CRACD: variants seen among roughly 807,000 people sequenced by gnomAD.
CRACD encodes capping protein inhibiting regulator of actin dynamics.
Under a neutral mutation model 106.8 loss-of-function variants are expected in CRACD, and 56 were observed. That is an observed-to-expected ratio of 0.52 (90% CI 0.42 to 0.66). CRACD has a LOEUF of 0.66. Ranked by LOEUF, CRACD falls within the 30% of genes least tolerant of loss-of-function variation. The pLI is 0.00. For synonymous variants in CRACD, 754 were observed against 670.8 expected (o/e 1.12, Z -1.92); for missense variants, 1,730 against 1,623.2 (o/e 1.07, Z -1.13).
At position 56,330,235 on chromosome 4, in the gene CRACD, G is replaced by A. The variant is rs1027315186; in HGVS notation, c.*2431G>A. Among the ~76,000 whole-genome samples, 2 of 151,514 alleles carry A rather than the reference G, an allele frequency of 1.3e-5. No individual in the cohort carries two copies. Among genetic ancestry groups the A allele is most frequent in the Non-Finnish European group, 2.9e-5 (2 of 67,940 alleles). Reference sequence around the variant, plus strand: ...AACAAACATACACTTCTCCTGGCAAGGTTATAGATGATTAACCTCTGTTCA... The same window carrying A: ...AACAAACATACACTTCTCCTGGCAAAGTTATAGATGATTAACCTCTGTTCA... On this transcript the variant is annotated 3_prime_UTR_variant, in exon 11 of 11. Coordinates refer to ENST00000682029, the MANE Select transcript of CRACD (RefSeq NM_001393381.1).
chr4:56,080,123 G>A (rs920183975), intron 1 of CRACD, among the ~76,000 whole-genome samples: 8 of 152,152 alleles, frequency 5.3e-5, no homozygotes, highest in African/African-American at 1.9e-4. Context: ...TGGAAGGATC[G>A]CTTGAGGCCA....
At chr4:56,323,219 TGGA>T (rs931801492) in intron 8 of CRACD, among the ~76,000 whole-genome samples, 155 bp from the exon 9 acceptor site, 2 of 152,108 alleles carry the variant, frequency 1.3e-5, no homozygotes, top group Non-Finnish European at 2.9e-5. Flanking sequence ...TCCCACCCAG[TGGA>T]GCCACTCAGG....
chr4:56,197,129 AAT>A (rs1249179022), intron 2 of CRACD, among the ~76,000 whole-genome samples: 2 of 152,290 alleles, frequency 1.3e-5, no homozygotes, highest in Non-Finnish European at 2.9e-5. Context: ...TAAGTCCTAA[AAT>A]ATATGTTTTT....
At chr4:56,158,387 A>T (rs1422204557) in intron 1 of CRACD, among the ~76,000 whole-genome samples, 3 of 151,994 alleles carry the variant, frequency 2.0e-5, no homozygotes, top group Non-Finnish European at 2.9e-5. Flanking sequence ...AATTTATGGT[A>T]TTTTTTTTTA....
At chr4:56,107,053 C>T (rs1424471159) in intron 1 of CRACD, among the ~76,000 whole-genome samples, 2 of 152,174 alleles carry the variant, frequency 1.3e-5, no homozygotes, top group Non-Finnish European at 2.9e-5. Flanking sequence ...TCACTGCAGC[C>T]TCAAACTCCT....
At chr4:56,064,510 C>T in intron 1 of CRACD, among the ~76,000 whole-genome samples, 1 of 152,154 alleles carries the variant, frequency 6.6e-6, no homozygotes, top group Non-Finnish European at 1.5e-5. Context: ...AGTCTTCTTC[C>T]CTACTCCTGC....
chr4:56,213,091 G>T (rs185198518), intron 2 of CRACD, among the ~76,000 whole-genome samples: 1 of 152,254 alleles, frequency 6.6e-6, no homozygotes, highest in Admixed American at 6.5e-5. Context: ...GTCTCTGTAA[G>T]CTCCACTTTG....
At position 56,315,785 on chromosome 4, in the gene CRACD, T is replaced by A. The variant is rs1300586824; in HGVS notation, c.2283T>A (p.Pro761=). 6.2e-7 allele frequency: 1 copy of A among 1,614,028 alleles called. No homozygotes were observed. The highest frequency in any genetic ancestry group is 1.3e-5 in the African/African-American group (1 of 74,910). Residue 761 remains proline (P), a synonymous_variant, in exon 8 of 11, where the codon CCT becomes CCA. Coordinates refer to ENST00000682029, the MANE Select transcript of CRACD (RefSeq NM_001393381.1). This position sits in a 1 kb window ranked among gnomAD's most constrained non-coding sequence, Gnocchi z 4.1. ...CCAGCGAAGAGACAGCCCCCCAGCCTCCTCCTGCTGGTGTTCGCGAGCTCG... is the reference window on the plus strand; with the variant it reads ...CCAGCGAAGAGACAGCCCCCCAGCCACCTCCTGCTGGTGTTCGCGAGCTCG... ...LGPSEETAPQ[P]PPAGVRELGK... is the part of the protein sequence containing the mutation.
chr4:56,316,717 T>C lies in CRACD; in HGVS notation c.3187+28T>C, dbSNP rs774219162. ...AGGTAGCTGCAGGGTGGGTAACTGC[T>C]GCCAGCCGAGGTGTCAGAGCCAGGG... On this transcript the variant is annotated intron_variant, in intron 8 of 10. Coordinates refer to ENST00000682029, the MANE Select transcript of CRACD (RefSeq NM_001393381.1). The C allele has an allele frequency of 1.9e-6, 3 of 1,581,004 alleles. No individual in the cohort carries two copies. In the South Asian group the frequency reaches 3.4e-5, roughly 18 times the overall value.
intron 1 of CRACD, among the ~76,000 whole-genome samples, chr4:56,167,035 G>GA (rs758638536): frequency 1.1e-4 from 16 of 152,096 alleles, no homozygotes; most frequent in Admixed American, 3.9e-4. Context: ...ACACTGTCTT[G>GA]AAAAAACTAC....
intron 8 of CRACD, among the ~76,000 whole-genome samples, chr4:56,318,314 C>A (rs1189976416): frequency 2.6e-5 from 4 of 152,188 alleles, no homozygotes; most frequent in Middle Eastern, 3.4e-3. Flanking sequence ...TTTAAATAGT[C>A]CACTTGCTTG....
intron 2 of CRACD, among the ~76,000 whole-genome samples, chr4:56,205,231 T>C (rs1420902385): frequency 1.3e-5 from 2 of 151,968 alleles, no homozygotes; most frequent in African/African-American, 2.4e-5. Flanking sequence ...AAATAAGTAA[T>C]GCGTACACCC....
At chr4:56,246,439 A>T (rs1385824412) in intron 2 of CRACD, 1 of 152,198 alleles carries the variant, frequency 6.6e-6, no homozygotes, top group Non-Finnish European at 1.5e-5. Flanking sequence ...GGGTTCTCAG[A>T]GCAACTGTCA....
chr4:56,165,992 A>AT (rs1577705453), intron 1 of CRACD, among the ~76,000 whole-genome samples: 1 of 152,204 alleles, frequency 6.6e-6, no homozygotes, highest in East Asian at 1.9e-4. Context: ...TCCAGAGTAG[A>AT]TAGGATTATA....
rs148748304 is a variant in CRACD, at chr4:56,297,996, G to A, written c.-16-218G>A. ...TAAGTAACTGTCTTTGTGTTCTCACGGTGAATGGCTCTGAACCAGGGCTAT... is the reference window on the plus strand; with the variant it reads ...TAAGTAACTGTCTTTGTGTTCTCACAGTGAATGGCTCTGAACCAGGGCTAT... On this transcript the variant is annotated intron_variant, in intron 3 of 10. Transcript: ENST00000682029. 3.1e-3 allele frequency: 1,345 copies of A among 438,156 alleles called. 5 individuals carry two copies. Among genetic ancestry groups the A allele is most frequent in the Non-Finnish European group, 4.8e-3 (1,156 of 241,564 alleles). 27.1% of individuals were successfully genotyped at this position (438,156 alleles called of 1,614,324 possible).
intron 1 of CRACD, among the ~76,000 whole-genome samples, chr4:56,118,693 G>A (rs1734382537): frequency 6.6e-6 from 1 of 152,034 alleles, no homozygotes; most frequent in African/African-American, 2.4e-5. Flanking sequence ...GAGCCCAGGA[G>A]TTTACTCAGC....
At chr4:56,163,505 TA>T (rs146003603) in intron 1 of CRACD, among the ~76,000 whole-genome samples, 6 of 152,070 alleles carry the variant, frequency 3.9e-5, no homozygotes, top group Admixed American at 1.3e-4. Context: ...CCCCTTATGT[TA>T]AAAAAAGTAA....
In CRACD at chr4:56,315,014, G is replaced by A. The variant is rs377140244; in HGVS notation, c.1512G>A (p.Pro504=). 1.6e-5 allele frequency: 25 copies of A among 1,590,300 alleles called. No homozygotes were observed. In the South Asian group the frequency reaches 2.5e-4, roughly 16 times the overall value. The change falls in exon 8 of 11, where the codon CCG becomes CCA. Residue 504 remains proline, a synonymous_variant. Transcript: ENST00000682029. The surrounding 1 kb of genome is among the most constrained non-coding windows in gnomAD (Gnocchi z 4.1). ...GGCCGGTGGAAGCCGCGCAGCCTCC[G>A]GTGGAGAGGAAAGAAGCCGCCGCCC... ...QEGPVEAAQP[P]VERKEAAALE... is the part of the protein sequence containing the mutation.
chr4:56,257,079 C>CTT lies in CRACD; in HGVS notation c.-188-15223_-188-15222dup, dbSNP rs566765737. On this transcript the variant is annotated intron_variant, in intron 2 of 10. Transcript: ENST00000682029. Reference sequence around the variant, plus strand: ...TTACCCTGCAGTATATTTTGATGTTCTTTTTTTTTTTTTTTTTTTTGAGAT... The same window carrying CTT: ...TTACCCTGCAGTATATTTTGATGTTCTTTTTTTTTTTTTTTTTTTTTTGAGAT... 1.1e-3 allele frequency among the ~76,000 whole-genome samples: 122 copies of CTT among 114,480 alleles called. 1 individual carries two copies. Among genetic ancestry groups the CTT allele is most frequent in the Middle Eastern group, 4.8e-3 (1 of 208 alleles). The allele number at this position is 114,480 out of a possible 152,430, so 75.1% of individuals were successfully genotyped here. A position where few individuals can be genotyped will look rare whatever the true frequency, so the allele number is the denominator to read the frequency against.
Sources: allele counts gnomAD v4.1 joint callset (sites outside exome capture counted in the v4.1 genomes callset), GRCh38; gene constraint gnomAD v4.1.1; non-coding constraint Gnocchi (gnomAD v3.1); transcripts MANE v1.5; gene names NCBI Gene and HGNC (gene_info 2026-07-23, HGNC 2026-07-21).